TCAF1: variants seen among roughly 807,000 people sequenced by gnomAD.
TCAF1 encodes TRPM8 channel associated factor 1, also known as TRPM8 channel-associated factor 1.
Under a neutral mutation model 27.3 loss-of-function variants are expected in TCAF1, and 4 were observed. The observed-to-expected ratio is 0.15, with a 90% confidence interval of 0.07 to 0.34. The LOEUF (loss-of-function observed/expected upper bound fraction) is 0.34. TCAF1 is among the 10% of genes least tolerant of loss of function. The probability of loss-of-function intolerance (pLI) is 1.00; values close to 1 mark genes in which losing one functional copy is unlikely to be tolerated. For synonymous variants in TCAF1, 105 were observed against 167.1 expected (o/e 0.63, Z 2.87); for missense variants, 257 against 425.8 (o/e 0.60, Z 3.49).
chr7:143,886,915 CAGA>C (rs1813437207), intron 1 of TCAF1, among the ~76,000 whole-genome samples: 1 of 148,634 alleles, frequency 6.7e-6, no homozygotes, highest in Non-Finnish European at 1.5e-5. Flanking sequence ...CTTTGTTGCC[CAGA>C]CTGGTCTTGA....
intron 1 of TCAF1, among the ~76,000 whole-genome samples, chr7:143,897,131 A>AAAAT (rs1813903380): frequency 1.2e-5 from 1 of 80,362 alleles, no homozygotes; most frequent in South Asian, 4.7e-4. Context: ...GTTAATCTTG[A>AAAAT]ATATATATAT....
rs1334234347 is a variant in TCAF1, at chr7:143,852,624, C to T, written c.*1509G>A. 6.6e-6 allele frequency: 1 copy of T among 152,520 alleles called. No individual in the cohort carries two copies. The highest frequency in any genetic ancestry group is 1.5e-5 in the Non-Finnish European group (1 of 68,230). The allele number at this position is 152,520 out of a possible 1,614,324, so 9.4% of individuals were successfully genotyped here. A position where few individuals can be genotyped will look rare whatever the true frequency, so the allele number is the denominator to read the frequency against. On this transcript the variant is annotated 3_prime_UTR_variant, in exon 9 of 9. Coordinates refer to ENST00000479870, the MANE Select transcript of TCAF1 (RefSeq NM_014719.3). ...TTCCTTAAGCTCTGAAGATGTTGAT[C>T]CATTGACTTCTGGCATTCAGTGTTG...
chr7:143,890,647 T>C (rs954471205), intron 1 of TCAF1, among the ~76,000 whole-genome samples: 1 of 152,232 alleles, frequency 6.6e-6, no homozygotes, highest in Non-Finnish European at 1.5e-5. Context: ...ATATTCGCTA[T>C]TGCTTTTTAC....
intron 1 of TCAF1, among the ~76,000 whole-genome samples, chr7:143,887,478 C>T (rs1229922036): frequency 1.3e-5 from 2 of 152,102 alleles, no homozygotes; most frequent in Non-Finnish European, 2.9e-5. Context: ...TCTTTAGACA[C>T]TTTGGATTTT....
Position 143,887,996 on chromosome 7 carries a change from CT to C in TCAF1, c.-14-11375del. ...ACTTCTGGGTTACTGGTAATGTTCTCTTAATTAATTTAGGTGCTGGCCCAAG... is the reference window on the plus strand; with the variant it reads ...ACTTCTGGGTTACTGGTAATGTTCTCTAATTAATTTAGGTGCTGGCCCAAG... On this transcript the variant is annotated intron_variant, in intron 1 of 8. Transcript: ENST00000479870. Among the ~76,000 whole-genome samples the C allele has an allele frequency of 2.0e-5, 3 of 152,242 alleles. No individual in the cohort carries two copies. The South Asian group carries it at 6.2e-4, about 32-fold the overall frequency.
intron 1 of TCAF1, among the ~76,000 whole-genome samples, chr7:143,898,415 C>T (rs1260706282): frequency 2.6e-5 from 4 of 151,966 alleles, no homozygotes; most frequent in South Asian, 2.1e-4. Context: ...TCATTATTTT[C>T]GGATGATATG....
chr7:143,876,430 A>G lies in TCAF1; in HGVS notation c.179T>C (p.Val60Ala). 1.2e-6 allele frequency: 2 copies of G among 1,611,516 alleles called. No homozygotes were observed. Among genetic ancestry groups the G allele is most frequent in the Non-Finnish European group, 1.7e-6 (2 of 1,178,820 alleles). ...CAAGTAGTCCTCATGGGACACGACC[A>G]CCAGGCGGCCACGGCCATAGGAGGA... ...AASSYGRGRL[V>A]VVSHEDYLVE... The change falls in exon 2 of 9, where the codon GTG becomes GCG. Residue 60 changes from valine (V) to alanine (A), a missense_variant. Physicochemically the swap from Val to Ala is moderately conservative, Grantham distance 64. Around this residue, in one of 2 missense-constraint regions of TCAF1, gnomAD observed 255 missense variants for 260.1 expected, o/e 0.98. Coordinates refer to ENST00000479870, the MANE Select transcript of TCAF1 (RefSeq NM_014719.3).
chr7:143,882,404 G>A (rs911659469), intron 1 of TCAF1: 3 of 985,216 alleles, frequency 3.0e-6, no homozygotes, highest in African/African-American at 1.7e-5. Context: ...GATTAGACGC[G>A]GTTCTCTAGG....
intron 1 of TCAF1, among the ~76,000 whole-genome samples, chr7:143,898,604 T>G (rs1426305614): frequency 1.2e-4 from 19 of 152,080 alleles, no homozygotes; most frequent in Admixed American, 1.2e-3. Flanking sequence ...AGTAAAAATA[T>G]GACGTGCCTA....
chr7:143,889,265 T>A (rs574058227), intron 1 of TCAF1, among the ~76,000 whole-genome samples: 2 of 152,158 alleles, frequency 1.3e-5, no homozygotes, highest in Non-Finnish European at 2.9e-5. Context: ...AAAGAAATGA[T>A]TGAATTTTCC....
chr7:143,867,981 T>C (rs1812257688), intron 2 of TCAF1, among the ~76,000 whole-genome samples: 1 of 80,810 alleles, frequency 1.2e-5, no homozygotes, highest in Non-Finnish European at 2.7e-5. Flanking sequence ...GTCTGTTTCA[T>C]TGATCTGCAT....
At chr7:143,883,006 A>T in intron 1 of TCAF1, 1 of 399,680 alleles carries the variant, frequency 2.5e-6, no homozygotes, top group Non-Finnish European at 3.4e-6. Context: ...GTGGCTTGGC[A>T]TTGCTGTGGC....
chr7:143,886,782 T>C (rs1813426849), intron 1 of TCAF1, among the ~76,000 whole-genome samples: 2 of 142,406 alleles, frequency 1.4e-5, no homozygotes, highest in Non-Finnish European at 3.0e-5. Context: ...CTCGAACTCC[T>C]GGGCTCAATC....
intron 1 of TCAF1, among the ~76,000 whole-genome samples, chr7:143,892,054 A>C (rs2116853737): frequency 6.6e-6 from 1 of 152,336 alleles, no homozygotes; most frequent in African/African-American, 2.4e-5. Context: ...AATTTTAGAT[A>C]CACTAAAGCT....
chr7:143,882,799 T>C lies in TCAF1; in HGVS notation c.-14-6177A>G, dbSNP rs1017215110. On this transcript the variant is annotated intron_variant, in intron 1 of 8. Coordinates refer to ENST00000479870, the MANE Select transcript of TCAF1 (RefSeq NM_014719.3). ...GGGCAGAGCCTGGCGCAGAGAGGAA[T>C]GCACAGGGAAGAGGCTTCCCTGTAC... is the stretch of plus-strand genomic sequence containing the variant. 9 of 985,612 alleles carry C rather than the reference T, an allele frequency of 9.1e-6. No homozygotes were observed. The East Asian group carries it at 7.9e-4, about 87-fold the overall frequency. The allele number at this position is 985,612 out of a possible 1,614,324, so 61.1% of individuals were successfully genotyped here.
In TCAF1 at chr7:143,902,169, T is replaced by G. The variant is rs1357326050; in HGVS notation, c.-223A>C. The G allele has an allele frequency of 6.6e-6, 1 of 152,148 alleles. No homozygotes were observed. Among genetic ancestry groups the G allele is most frequent in the African/African-American group, 2.4e-5 (1 of 41,352 alleles). 9.4% of individuals were successfully genotyped at this position (152,148 alleles called of 1,614,324 possible). On this transcript the variant is annotated 5_prime_UTR_variant, in exon 1 of 9. Transcript: ENST00000479870. ...GCTCGAAACTACAGGACTTGGAAAGTCTTAGGCGGAGACTGCGGGGGTGGG... is the reference window on the plus strand; with the variant it reads ...GCTCGAAACTACAGGACTTGGAAAGGCTTAGGCGGAGACTGCGGGGGTGGG...
intron 1 of TCAF1, chr7:143,882,794 A>C: frequency 1.0e-6 from 1 of 985,686 alleles, no homozygotes; most frequent in Non-Finnish European, 1.2e-6. Context: ...TGGCGCAGAG[A>C]GGAATGCACA....
At position 143,876,499 on chromosome 7, in the gene TCAF1, A is replaced by T; in HGVS notation, c.110T>A (p.Phe37Tyr). The T allele has an allele frequency of 6.3e-7, 1 of 1,586,278 alleles. No individual in the cohort carries two copies. Among genetic ancestry groups the T allele is most frequent in the Non-Finnish European group, 8.6e-7 (1 of 1,169,320 alleles). The stretch of plus-strand genomic sequence containing the variant: ...GCCCATGTCATTCACCATCACAGGA[A>T]ATGAAGCCTCTCCAATAAGAAGCAG... ...CELLLIGEAS[F>Y]PVMVNDMGQV... is the part of the protein sequence containing the mutation. Residue 37 changes from phenylalanine (F) to tyrosine (Y), a missense_variant, in exon 2 of 9, where the codon TTT becomes TAT. By Grantham distance (22) the Phe-to-Tyr change is conservative (BLOSUM62 3). Coordinates refer to ENST00000479870, the MANE Select transcript of TCAF1 (RefSeq NM_014719.3).
At chr7:143,897,959 C>T (rs1471218692) in intron 1 of TCAF1, among the ~76,000 whole-genome samples, 2 of 152,066 alleles carry the variant, frequency 1.3e-5, no homozygotes, top group East Asian at 1.9e-4. Flanking sequence ...TATAAATATC[C>T]AATGTTTACC....
Sources: gnomAD v4.1 joint callset for allele counts (sites outside exome capture counted in the v4.1 genomes callset) on GRCh38, gnomAD v4.1.1 for gene constraint, gnomAD v4.1.1 regional missense constraint, MANE v1.5 for transcripts, NCBI Gene and HGNC (gene_info 2026-07-23, HGNC 2026-07-21) for gene names.